The following GPC5 variants were observed in gnomAD, a reference collection of about 807,000 sequenced individuals.
GPC5 encodes the protein glypican-5.
In GPC5, 47 loss-of-function variants were observed where a neutral mutation model predicts 53.9. That is an observed-to-expected ratio of 0.87 (90% CI 0.69 to 1.11). The LOEUF is 1.11. GPC5 is among the 50% of genes most tolerant of loss of function. The probability of loss-of-function intolerance (pLI) is 0.00; values close to 1 mark genes in which losing one functional copy is unlikely to be tolerated. For missense variants in GPC5, 748 were observed against 713.1 expected, an observed-to-expected ratio of 1.05 and a Z score of -0.56; for synonymous variants, 286 against 263.3, an observed-to-expected ratio of 1.09 and a Z score of -0.84.
Position 92,311,730 on chromosome 13 carries a change from T to C in GPC5, c.1561+166741T>C, listed in dbSNP as rs564891720. Among the ~76,000 whole-genome samples the C allele has an allele frequency of 2.6e-5, 4 of 152,244 alleles. 1 individual carries two copies. Among genetic ancestry groups the C allele is most frequent in the African/African-American group, 9.6e-5 (4 of 41,544 alleles). ...ACAGCATGGGAAAAACCCACCCCTA[T>C]GATTCAGTTACCTCCCACTGGGTCC... On this transcript the variant is annotated intron_variant, in intron 7 of 7. Coordinates refer to ENST00000377067, the MANE Select transcript of GPC5 (RefSeq NM_004466.6).
chr13:92,384,184 C>T (rs2043773391), intron 7 of GPC5, among the ~76,000 whole-genome samples: 1 of 150,372 alleles, frequency 6.7e-6, no homozygotes, highest in African/African-American at 2.5e-5. Context: ...GTAACTAGAA[C>T]TAATTGGTAA....
At chr13:91,500,222 T>A (rs1884542177) in intron 2 of GPC5, among the ~76,000 whole-genome samples, 1 of 152,244 alleles carries the variant, frequency 6.6e-6, no homozygotes, top group African/African-American at 2.4e-5. Flanking sequence ...ATAGGGACTT[T>A]TCTTCACTAC....
intron 7 of GPC5, among the ~76,000 whole-genome samples, chr13:92,864,859 T>TTATA (rs760708862): frequency 8.6e-5 from 13 of 150,968 alleles, no homozygotes; most frequent in Non-Finnish European, 1.9e-4. Flanking sequence ...ATCTTCTGAA[T>TTATA]TATATATATA....
intron 7 of GPC5, among the ~76,000 whole-genome samples, chr13:92,648,988 G>T (rs1207843540): frequency 6.6e-6 from 1 of 152,086 alleles, no homozygotes; most frequent in African/African-American, 2.4e-5. Flanking sequence ...CCTTCAGTAT[G>T]CAACAGGTTT....
intron 5 of GPC5, among the ~76,000 whole-genome samples, chr13:91,853,084 A>G (rs563945191): frequency 5.9e-5 from 9 of 152,198 alleles, no homozygotes; most frequent in African/African-American, 2.2e-4. Flanking sequence ...TACAGTCTGA[A>G]TGGTAAGTAC....
At chr13:91,700,150 C>T (rs188994835) in intron 3 of GPC5, among the ~76,000 whole-genome samples, 35 of 152,124 alleles carry the variant, frequency 2.3e-4, no homozygotes, top group Middle Eastern at 3.4e-3. Context: ...CATGTGTGGG[C>T]TGTGCTAGTG....
At chr13:91,961,703 G>A (rs974351189) in intron 6 of GPC5, among the ~76,000 whole-genome samples, 2 of 152,000 alleles carry the variant, frequency 1.3e-5, no homozygotes, top group African/African-American at 4.8e-5. Flanking sequence ...CATATGATAC[G>A]GCAATAAGTA....
chr13:92,567,074 G>C (rs1308952124), intron 7 of GPC5, among the ~76,000 whole-genome samples: 2 of 152,000 alleles, frequency 1.3e-5, no homozygotes, highest in East Asian at 3.9e-4. Context: ...TTGATACTTG[G>C]CTGCTTCTTG....
At chr13:92,137,634 T>G (rs1284489449) in intron 6 of GPC5, among the ~76,000 whole-genome samples, 1 of 152,212 alleles carries the variant, frequency 6.6e-6, no homozygotes, top group Non-Finnish European at 1.5e-5. Flanking sequence ...TTTATTTTGT[T>G]TCATTTTGTT....
chr13:92,098,153 C>T, intron 6 of GPC5, among the ~76,000 whole-genome samples: 1 of 152,100 alleles, frequency 6.6e-6, no homozygotes. Context: ...CTGATCCTCT[C>T]CCTCACACAC....
At chr13:92,513,060 T>C (rs1050871934) in intron 7 of GPC5, among the ~76,000 whole-genome samples, 4 of 152,222 alleles carry the variant, frequency 2.6e-5, no homozygotes, top group African/African-American at 9.6e-5. Flanking sequence ...GTCACAGGTG[T>C]ACCTTTGTGC....
At chr13:92,507,701 T>C (rs1880422573) in intron 7 of GPC5, among the ~76,000 whole-genome samples, 2 of 152,230 alleles carry the variant, frequency 1.3e-5, no homozygotes, top group South Asian at 4.1e-4. Context: ...AACTGGTACA[T>C]TATTTTGAAA....
intron 2 of GPC5, among the ~76,000 whole-genome samples, chr13:91,571,647 C>T (rs2138997854): frequency 6.6e-6 from 1 of 151,520 alleles, no homozygotes; most frequent in East Asian, 2.0e-4. Flanking sequence ...ATCACTTGAG[C>T]CCAGGAGGTG....
At chr13:92,124,682 G>A (rs1224247821) in intron 6 of GPC5, among the ~76,000 whole-genome samples, 1 of 152,150 alleles carries the variant, frequency 6.6e-6, no homozygotes, top group Admixed American at 6.5e-5. Context: ...TTGTGTGTGA[G>A]TTTGCTGATA....
chr13:92,795,775 T>G (rs1172900804), intron 7 of GPC5, among the ~76,000 whole-genome samples: 3 of 152,170 alleles, frequency 2.0e-5, no homozygotes, highest in African/African-American at 7.2e-5. Context: ...TCATCATCAC[T>G]GGTCATCAGA....
intron 7 of GPC5, among the ~76,000 whole-genome samples, chr13:92,254,102 A>T (rs1245456518): frequency 6.6e-6 from 1 of 152,072 alleles, no homozygotes; most frequent in African/African-American, 2.4e-5. Flanking sequence ...GTTCAACCCA[A>T]GAAAAAATCA....
At chr13:92,241,233 A>T (rs1288759928) in intron 7 of GPC5, 1 of 152,218 alleles carries the variant, frequency 6.6e-6, no homozygotes, top group African/African-American at 2.4e-5. Context: ...GCACACTAAA[A>T]AATAAGTAGT....
chr13:91,502,823 G>A (rs545620705), intron 2 of GPC5, among the ~76,000 whole-genome samples: 95 of 152,168 alleles, frequency 6.2e-4, no homozygotes, highest in African/African-American at 2.2e-3. Flanking sequence ...TTCATTTTAT[G>A]AGCAAGAAAA....
chr13:91,829,358 C>T (rs2038621073), intron 5 of GPC5, among the ~76,000 whole-genome samples: 1 of 151,940 alleles, frequency 6.6e-6, no homozygotes, highest in Non-Finnish European at 1.5e-5. Context: ...CAACTAAATG[C>T]AGGAACATGG....
Sources: gnomAD v4.1 joint callset for allele counts (sites outside exome capture counted in the v4.1 genomes callset) on GRCh38, gnomAD v4.1.1 for gene constraint, MANE v1.5 for transcripts, NCBI Gene and HGNC (gene_info 2026-07-23, HGNC 2026-07-21) for gene names.